The following MCM9 variants were observed in gnomAD, a reference collection of about 807,000 sequenced individuals.
MCM9 encodes the protein DNA helicase MCM9.
MCM9 carries 55 observed loss-of-function variants against 72.8 expected under a neutral mutation model. That is an observed-to-expected ratio of 0.76 (90% CI 0.61 to 0.95). The LOEUF is 0.95. Among genes scored for constraint, MCM9 ranks in the 40% least tolerant of loss-of-function variants. The probability of loss-of-function intolerance (pLI) is 0.00; values close to 1 mark genes in which losing one functional copy is unlikely to be tolerated. For missense variants in MCM9, 1,279 were observed against 1,377.0 expected, an observed-to-expected ratio of 0.93 and a Z score of 1.13; for synonymous variants, 480 against 503.4, an observed-to-expected ratio of 0.95 and a Z score of 0.62.
chr6:118,888,780 G>T (rs1014985499), intron 8 of MCM9, among the ~76,000 whole-genome samples: 4 of 152,066 alleles, frequency 2.6e-5, no homozygotes, highest in African/African-American at 9.7e-5. Flanking sequence ...AACACAACAT[G>T]AAAGAAGCAT....
At chr6:118,871,939 A>G (rs1164699086) in intron 8 of MCM9, among the ~76,000 whole-genome samples, 1 of 152,168 alleles carries the variant, frequency 6.6e-6, no homozygotes, top group East Asian at 1.9e-4. Flanking sequence ...AAAAGACCAC[A>G]TTCTGGACTA....
intron 2 of MCM9, 46 bp from the exon 3 acceptor site, chr6:118,931,784 T>G: frequency 7.1e-7 from 1 of 1,404,484 alleles, no homozygotes. Context: ...ATACTCAAGA[T>G]GTACACACAA....
At chr6:118,900,896 G>C in intron 8 of MCM9, 3 of 1,521,386 alleles carry the variant, frequency 2.0e-6, no homozygotes, top group Non-Finnish European at 2.7e-6. Context: ...GATTAATCTT[G>C]GTAAATGTGT....
chr6:118,909,291 A>G (rs535556546), intron 8 of MCM9: 1 of 152,344 alleles, frequency 6.6e-6, no homozygotes, highest in South Asian at 2.1e-4. Flanking sequence ...AATTATAACA[A>G]TCTATTTGTA....
intron 13 of MCM9, 142 bp downstream of exon 13, chr6:118,826,005 A>T (rs935764378): frequency 8.4e-6 from 7 of 836,626 alleles, no homozygotes; most frequent in Non-Finnish European, 1.3e-5. Context: ...AGTCTCCTAT[A>T]GATAGTATCT....
chr6:118,924,045 T>C lies in MCM9; in HGVS notation c.387A>G (p.Thr129=). ...CCTTCACCAGACTTGTTCGAATCACTGTCCCAGTGACAGATAAAAAGTGTC... is the reference window on the plus strand; with the variant it reads ...CCTTCACCAGACTTGTTCGAATCACCGTCCCAGTGACAGATAAAAAGTGTC... ...DVGHFLSVTG[T]VIRTSLVKVL... is the part of the protein sequence containing the mutation. The change falls in exon 4 of 14, where the codon ACA becomes ACG. Residue 129 remains threonine, a synonymous_variant. Transcript: ENST00000619706. 5 of 1,614,236 alleles carry C rather than the reference T, an allele frequency of 3.1e-6. No individual in the cohort carries two copies. The highest frequency in any genetic ancestry group is 4.2e-6 in the Non-Finnish European group (5 of 1,180,032).
rs1377869403 is a variant in MCM9 at position 118,815,989 on chromosome 6, T to G, written c.2267A>C (p.Lys756Thr). ...DFMATHQSEP[K>T]NTVVVSPHPK... Reference sequence around the variant, plus strand: ...ATGAGGAGACACAACAACAGTGTTTTTAGGTTCACTCTGATGAGTTGCCAT... The same window carrying G: ...ATGAGGAGACACAACAACAGTGTTTGTAGGTTCACTCTGATGAGTTGCCAT... Residue 756 changes from lysine (K) to threonine (T), a missense_variant, in exon 14 of 14, where the codon AAA becomes ACA. By Grantham distance (78) the Lys-to-Thr change is moderately conservative. Transcript: ENST00000619706. 11 of 1,550,434 alleles carry G rather than the reference T, an allele frequency of 7.1e-6. No individual in the cohort carries two copies. Among genetic ancestry groups the G allele is most frequent in the Non-Finnish European group, 9.6e-6 (11 of 1,146,978 alleles).
At chr6:118,898,350 C>G (rs1779575274) in intron 8 of MCM9, among the ~76,000 whole-genome samples, 1 of 151,768 alleles carries the variant, frequency 6.6e-6, no homozygotes, top group African/African-American at 2.4e-5. Flanking sequence ...ATTTATACCA[C>G]TTAGGATCAA....
intron 13 of MCM9, among the ~76,000 whole-genome samples, chr6:118,818,856 T>C: frequency 6.6e-6 from 1 of 152,170 alleles, no homozygotes; most frequent in South Asian, 2.1e-4. Context: ...CCCATGTAAG[T>C]TGTATTCCTA....
At chr6:118,905,709 G>C in intron 8 of MCM9, 3 of 1,613,720 alleles carry the variant, frequency 1.9e-6, no homozygotes, top group South Asian at 2.2e-5. Context: ...CGTAACTGTT[G>C]TGCTAATTAC....
At chr6:118,921,919 G>C in intron 5 of MCM9, 86 bp downstream of exon 5, 1 of 978,464 alleles carries the variant, frequency 1.0e-6, no homozygotes, top group South Asian at 1.6e-5. Context: ...CCTTGCCAGT[G>C]ATCTTGGGAA....
intron 8 of MCM9, chr6:118,910,566 T>G (rs946424414): frequency 4.2e-6 from 4 of 959,120 alleles, no homozygotes; most frequent in Non-Finnish European, 5.0e-6. Flanking sequence ...CTTGACACTC[T>G]ACATAATTAC....
In MCM9 at chr6:118,815,623, G is replaced by T. The variant is rs1282276422; in HGVS notation, c.2633C>A (p.Ser878Tyr). 2 of 1,550,478 alleles carry T rather than the reference G, an allele frequency of 1.3e-6. No individual in the cohort carries two copies. The highest frequency in any genetic ancestry group is 2.0e-5 in the Admixed American group (1 of 51,002). ...AQCTVPSHPQ[S>Y]TPVHSPDRML... is the part of the protein sequence containing the mutation. ...TCTGTCTGGGCTATGTACAGGAGTG[G>T]ACTGAGGATGGGAAGGGACTGTGCA... Residue 878 changes from serine (S) to tyrosine (Y), a missense_variant, in exon 14 of 14, where the codon TCC becomes TAC. By Grantham distance (144) the Ser-to-Tyr change is moderately radical. Coordinates refer to ENST00000619706, the MANE Select transcript of MCM9 (RefSeq NM_017696.3).
chr6:118,905,433 A>T (rs568524554), intron 8 of MCM9, among the ~76,000 whole-genome samples: 1 of 152,244 alleles, frequency 6.6e-6, no homozygotes, highest in East Asian at 1.9e-4. Context: ...CATGCTTTCA[A>T]GTATCAAGGG....
At position 118,922,045 on chromosome 6, in the gene MCM9, C is replaced by T. The variant is rs563505980; in HGVS notation, c.663G>A (p.Lys221=). The T allele has an allele frequency of 2.0e-5, 33 of 1,613,028 alleles. No individual in the cohort carries two copies. Among genetic ancestry groups the T allele is most frequent in the Non-Finnish European group, 1.8e-5 (21 of 1,179,506 alleles). The change falls in exon 5 of 14, where the codon AAG becomes AAA. Residue 221 remains lysine (K), a synonymous_variant. Coordinates refer to ENST00000619706, the MANE Select transcript of MCM9 (RefSeq NM_017696.3). ...CCACTAAGTCATCTTCCAGAATAAC[C>T]TTCATAGATCGTGGAATACTTCCAA... ...LSVGSIPRSM[K]VILEDDLVDS...
intron 8 of MCM9, among the ~76,000 whole-genome samples, chr6:118,876,395 TG>T (rs1011020441): frequency 3.9e-5 from 6 of 152,184 alleles, no homozygotes; most frequent in African/African-American, 1.4e-4. Flanking sequence ...TGGGTAGCAA[TG>T]ATGTGTCATT....
At chr6:118,881,541 A>G (rs1469102727) in intron 8 of MCM9, among the ~76,000 whole-genome samples, 3 of 152,210 alleles carry the variant, frequency 2.0e-5, no homozygotes, top group Non-Finnish European at 4.4e-5. Context: ...AGCTTCATTA[A>G]AAACACCAAG....
chr6:118,886,679 G>T (rs974021572), intron 8 of MCM9, among the ~76,000 whole-genome samples: 8 of 152,192 alleles, frequency 5.3e-5, no homozygotes, highest in African/African-American at 1.7e-4. Context: ...AACAGGCCAG[G>T]TGTAGTGGCT....
rs1298669721 is a variant in MCM9, at chr6:118,815,791, CT to C, written c.2464del (p.Arg822GlyfsTer2). ...TGCTGCTTCAGAATCTAGTGCTAGC[CT>C]TTTTTTCTTGTTACTTTCCACATTG... ...ADNVESNKKKRLALDSEAAVS... is the reference protein window; with the variant it reads ...ADNVESNKKKXLALDSEAAVS... On this transcript the variant is annotated frameshift_variant, in exon 14 of 14. Transcript: ENST00000619706. LOFTEE classifies it low-confidence loss of function (END_TRUNC). 6.5e-7 allele frequency: 1 copy of C among 1,539,606 alleles called. No individual in the cohort carries two copies. Among genetic ancestry groups the C allele is most frequent in the African/African-American group, 1.4e-5 (1 of 73,122 alleles).
Sources: gnomAD v4.1 joint callset for allele counts (sites outside exome capture counted in the v4.1 genomes callset) on GRCh38, gnomAD v4.1.1 for gene constraint, MANE v1.5 for transcripts, NCBI Gene and HGNC (gene_info 2026-07-23, HGNC 2026-07-21) for gene names.